Variants in KANK2 observed in about 807,000 individuals in gnomAD.
KANK2 encodes KN motif and ankyrin repeat domain-containing protein 2.
KANK2 carries 41 observed loss-of-function variants against 74.6 expected under a neutral mutation model. The ratio of observed to expected loss-of-function variants is 0.55; its 90% CI spans 0.43 to 0.71. The LOEUF (loss-of-function observed/expected upper bound fraction) is 0.71, where lower values mean the gene tolerates loss of function less well. Among genes scored for constraint, KANK2 ranks in the 30% least tolerant of loss-of-function variants. The pLI, the probability that KANK2 is intolerant of heterozygous loss-of-function variation, is 0.00. For synonymous variants in KANK2, 537 were observed against 519.0 expected, an observed-to-expected ratio of 1.03 and a Z score of -0.47; for missense variants, 1,148 against 1,196.4, an observed-to-expected ratio of 0.96 and a Z score of 0.60.
rs563971750 is a variant in KANK2, at chr19:11,184,962, G to A, written c.1250-6242C>T. ...CGAGTAGCTGGGATTACAGGCACCCGCCATCATGCTCGGCTAATTTTTGTA... is the reference window on the plus strand; with the variant it reads ...CGAGTAGCTGGGATTACAGGCACCCACCATCATGCTCGGCTAATTTTTGTA... On this transcript the variant is annotated intron_variant, in intron 4 of 12. Transcript: ENST00000586659. Among the ~76,000 whole-genome samples, 68 of 148,444 alleles carry A rather than the reference G, an allele frequency of 4.6e-4. 3 individuals are homozygous for A. The highest frequency in any genetic ancestry group is 1.4e-3 in the African/African-American group (57 of 40,312).
Position 11,193,129 on chromosome 19 carries a change from G to A in KANK2, c.951C>T (p.Ala317=). Residue 317 remains alanine, a synonymous_variant, in exon 4 of 13, where the codon GCC becomes GCT. Transcript: ENST00000586659. The surrounding 1 kb of genome is among the most constrained non-coding windows in gnomAD (Gnocchi z 9.6). ...GGACCGGGCTGTCCGGCGGTGGCCAGGCCTGGGGCTGGGGGTCAGCCTGCC... is the reference window on the plus strand; with the variant it reads ...GGACCGGGCTGTCCGGCGGTGGCCAAGCCTGGGGCTGGGGGTCAGCCTGCC... ...QARQADPQPQ[A]WPPPDSPVRV... is the part of the protein sequence containing the mutation. 2.5e-6 allele frequency: 4 copies of A among 1,607,150 alleles called. No individual in the cohort carries two copies. Among genetic ancestry groups the A allele is most frequent in the Non-Finnish European group, 2.5e-6 (3 of 1,176,592 alleles).
At chr19:11,194,121 T>G in intron 3 of KANK2, 79 bp from the exon 4 acceptor site, 1 of 1,456,702 alleles carries the variant, frequency 6.9e-7, no homozygotes, top group Middle Eastern at 2.3e-4. Context: ...CTGGGGAGAG[T>G]TGGGGTTTAT....
At chr19:11,169,484 G>A (rs1330567070) in intron 12 of KANK2, among the ~76,000 whole-genome samples, 1 of 151,996 alleles carries the variant, frequency 6.6e-6, no homozygotes, top group Non-Finnish European at 1.5e-5. Context: ...CTCCAGCCTT[G>A]GTGACAGAGT....
intron 2 of KANK2, chr19:11,194,814 G>A: frequency 3.2e-6 from 1 of 317,064 alleles, no homozygotes; most frequent in Admixed American, 3.9e-5. Context: ...TTGCACATCT[G>A]TCCAGGCCCT....
chr19:11,186,099 AAGAC>A (rs907901720), intron 4 of KANK2, among the ~76,000 whole-genome samples: 2 of 152,136 alleles, frequency 1.3e-5, no homozygotes, highest in Admixed American at 1.3e-4. Flanking sequence ...AAAAATTAGA[AAGAC>A]AGGGCCGGGC....
At chr19:11,192,686 C>T (rs559533651) in intron 4 of KANK2, 145 bp downstream of exon 4, 21 of 953,328 alleles carry the variant, frequency 2.2e-5, no homozygotes, top group Admixed American at 1.8e-4. Context: ...CTGCCCGCCT[C>T]GGCCTCCCAA....
chr19:11,164,710 TCATCCATCCATCCATCCATCCATC>T lies in KANK2; in HGVS notation c.*1824_*1847del, dbSNP rs142958187. 1.0e-4 allele frequency: 10 copies of T among 99,802 alleles called. No individual in the cohort carries two copies. Among genetic ancestry groups the T allele is most frequent in the Admixed American group, 3.3e-4 (4 of 12,046 alleles). 6.2% of individuals were successfully genotyped at this position (99,802 alleles called of 1,614,324 possible). On this transcript the variant is annotated 3_prime_UTR_variant, in exon 13 of 13. Coordinates refer to ENST00000586659, the MANE Select transcript of KANK2 (RefSeq NM_001136191.3). ...TTACATGCAAACACCATCTATCTAT[TCATCCATCCATCCATCCATCCATC>T]CATCCATCCATCCATCCATCCATCC...
intron 10 of KANK2, 30 bp downstream of exon 10, chr19:11,172,951 C>A: frequency 6.2e-7 from 1 of 1,605,998 alleles, no homozygotes. Flanking sequence ...GAAGAGCCAC[C>A]TGGATCTGCA....
At chr19:11,178,516 G>C (rs751983303) in intron 5 of KANK2, 37 bp downstream of exon 5, 1 of 1,602,612 alleles carries the variant, frequency 6.2e-7, no homozygotes, top group Non-Finnish European at 8.5e-7. Flanking sequence ...GCGCCATCCC[G>C]GTGCCCCGTC....
At chr19:11,180,007 C>T (rs1310928392) in intron 4 of KANK2, among the ~76,000 whole-genome samples, 2 of 152,332 alleles carry the variant, frequency 1.3e-5, no homozygotes, top group African/African-American at 2.4e-5. Flanking sequence ...AGTAAAGGCG[C>T]ATGCCACTGT....
intron 4 of KANK2, among the ~76,000 whole-genome samples, chr19:11,182,621 A>G (rs1403672097): frequency 6.6e-6 from 1 of 151,768 alleles, no homozygotes; most frequent in African/African-American, 2.4e-5. Context: ...AGGCAGGCCA[A>G]TCACAAGGTT....
At chr19:11,195,018 G>A (rs1002935168) in intron 2 of KANK2, 1 of 158,366 alleles carries the variant, frequency 6.3e-6, no homozygotes, top group African/African-American at 2.4e-5. Flanking sequence ...GCAAGGATCT[G>A]AGGAGACAGA....
chr19:11,177,963 T>C (rs548975744), intron 6 of KANK2, among the ~76,000 whole-genome samples: 8 of 152,124 alleles, frequency 5.3e-5, no homozygotes, highest in Non-Finnish European at 1.2e-4. Flanking sequence ...GCCACCTGTG[T>C]CTTTCTTGAG....
rs766118470 is a variant in KANK2 at position 11,193,533 on chromosome 19, C to G, written c.547G>C (p.Gly183Arg). 3.1e-6 allele frequency: 5 copies of G among 1,606,528 alleles called. No homozygotes were observed. The highest frequency in any genetic ancestry group is 3.3e-4 in the Middle Eastern group (2 of 6,060). The stretch of plus-strand genomic sequence containing the variant: ...TGCTCCCGCACGTGGGCCAGGTGCC[C>G]GGCACTGGGAGGCACCGGTGTGGAC... ...GLSTPVPPSA[G>R]HLAHVREQMA... Residue 183 changes from glycine to arginine, a missense_variant, in exon 4 of 13, where the codon GGG (glycine) becomes CGG (arginine). By Grantham distance (125) the Gly-to-Arg change is moderately radical. Transcript: ENST00000586659. This position sits in a 1 kb window ranked among gnomAD's most constrained non-coding sequence, Gnocchi z 9.6.
Position 11,178,699 on chromosome 19 carries a change from T to G in KANK2, c.1271A>C (p.Glu424Ala). ...GAAGLPEVPA[E>A]SSSSPPGSEV... Reference sequence around the variant, plus strand: ...GGACCCCGGGGGTGACGAAGACGATTCGGCAGGAACTTCTGGGAGGCCTGG... The same window carrying G: ...GGACCCCGGGGGTGACGAAGACGATGCGGCAGGAACTTCTGGGAGGCCTGG... The change falls in exon 5 of 13, where the codon GAA becomes GCA. Residue 424 changes from glutamate to alanine, a missense_variant. Coordinates refer to ENST00000586659, the MANE Select transcript of KANK2 (RefSeq NM_001136191.3). 6.5e-7 allele frequency: 1 copy of G among 1,536,042 alleles called. No individual in the cohort carries two copies. The highest frequency in any genetic ancestry group is 1.2e-5 in the South Asian group (1 of 80,020).
intron 4 of KANK2, among the ~76,000 whole-genome samples, chr19:11,186,114 G>A (rs1368712386): frequency 2.0e-5 from 3 of 152,158 alleles, no homozygotes; most frequent in Admixed American, 6.5e-5. Flanking sequence ...AGGGCCGGGC[G>A]TGGTAGCTCA....
intron 4 of KANK2, among the ~76,000 whole-genome samples, chr19:11,188,248 G>A (rs1221964309): frequency 6.7e-6 from 1 of 150,314 alleles, no homozygotes; most frequent in Non-Finnish European, 1.5e-5. Flanking sequence ...TCACTCTGTC[G>A]CCCAGGCTGG....
chr19:11,174,255 T>C (rs2078265368), intron 9 of KANK2, among the ~76,000 whole-genome samples: 1 of 152,122 alleles, frequency 6.6e-6, no homozygotes, highest in East Asian at 1.9e-4. Context: ...CCGTCTCCTC[T>C]ATCAAACTGG....
At chr19:11,184,202 CCA>C (rs2078610087) in intron 4 of KANK2, among the ~76,000 whole-genome samples, 1 of 150,612 alleles carries the variant, frequency 6.6e-6, no homozygotes, top group African/African-American at 2.4e-5. Context: ...ATGGTGAAAC[CCA>C]GTCTCTACTG....
Sources: allele counts gnomAD v4.1 joint callset (sites outside exome capture counted in the v4.1 genomes callset), GRCh38; gene constraint gnomAD v4.1.1; non-coding constraint Gnocchi (gnomAD v3.1); transcripts MANE v1.5; gene names NCBI Gene and HGNC (gene_info 2026-07-23, HGNC 2026-07-21).